ARID1B: variants seen among roughly 807,000 people sequenced by gnomAD.
ARID1B encodes AT-rich interaction domain 1B.
A neutral mutation model predicts 212.3 loss-of-function variants in ARID1B; 30 were observed. The observed-to-expected ratio is 0.14, with a 90% CI of 0.11 to 0.19. The LOEUF (loss-of-function observed/expected upper bound fraction) is 0.19, where lower values mean the gene tolerates loss of function less well. ARID1B is among the 10% of genes least tolerant of loss of function. The pLI, the probability that ARID1B is intolerant of heterozygous loss-of-function variation, is 1.00. For missense variants in ARID1B, 2,891 were observed against 3,204.0 expected, an observed-to-expected ratio of 0.90 and a Z score of 2.36; for synonymous variants, 1,402 against 1,301.7, an observed-to-expected ratio of 1.08 and a Z score of -1.66.
chr6:157,072,708 ATAT>A (rs1784066525), intron 4 of ARID1B: 1 of 152,228 alleles, frequency 6.6e-6, no homozygotes, highest in African/African-American at 2.4e-5. Context: ...ATACTATGTG[ATAT>A]TATAAAACAA....
At chr6:157,005,378 A>T (rs1173299394) in intron 4 of ARID1B, among the ~76,000 whole-genome samples, 1 of 151,248 alleles carries the variant, frequency 6.6e-6, no homozygotes, top group East Asian at 1.9e-4. Context: ...CTGTTCTCGA[A>T]CTCCTGACCT....
intron 4 of ARID1B, among the ~76,000 whole-genome samples, chr6:156,993,143 G>T (rs1778367884): frequency 6.7e-6 from 1 of 149,834 alleles, no homozygotes; most frequent in Non-Finnish European, 1.5e-5. Context: ...CCCGGTTCAA[G>T]CGATTCTCCT....
At chr6:156,829,882 G>A (rs969893558) in intron 2 of ARID1B, among the ~76,000 whole-genome samples, 1 of 151,206 alleles carries the variant, frequency 6.6e-6, no homozygotes, top group Non-Finnish European at 1.5e-5. Flanking sequence ...AAGTTATTTT[G>A]CTTTCATTTC....
At chr6:157,059,140 A>AG (rs1214096846) in intron 4 of ARID1B, among the ~76,000 whole-genome samples, 1 of 151,232 alleles carries the variant, frequency 6.6e-6, no homozygotes. Context: ...AAAAGATTTA[A>AG]GAGACGATAT....
At chr6:156,891,259 A>G (rs1787900954) in intron 2 of ARID1B, among the ~76,000 whole-genome samples, 1 of 152,198 alleles carries the variant, frequency 6.6e-6, no homozygotes, top group Non-Finnish European at 1.5e-5. Flanking sequence ...GATTTGCCAC[A>G]TGTGAATGGA....
At chr6:156,854,153 G>A (rs1401377970) in intron 2 of ARID1B, among the ~76,000 whole-genome samples, 2 of 152,098 alleles carry the variant, frequency 1.3e-5, no homozygotes, top group East Asian at 1.9e-4. Context: ...AAAACATGTC[G>A]TTCTTCAGGG....
chr6:156,829,473 C>T (rs1782992468), intron 2 of ARID1B, 52 bp downstream of exon 2: 1 of 1,533,116 alleles, frequency 6.5e-7, no homozygotes, highest in Admixed American at 1.9e-5. Flanking sequence ...TTTGTCTTTG[C>T]CTTTTGCTGT....
intron 2 of ARID1B, among the ~76,000 whole-genome samples, chr6:156,869,259 C>T (rs745693914): frequency 5.3e-5 from 8 of 152,140 alleles, no homozygotes; most frequent in Non-Finnish European, 8.8e-5. Context: ...CTTTCGAAGA[C>T]GAGATTAACA....
chr6:156,975,956 G>GT (rs35611699), intron 4 of ARID1B, among the ~76,000 whole-genome samples: 30,226 of 151,936 alleles, frequency 0.2, 3,314 homozygotes, highest in East Asian at 0.41. Context: ...GTTGGGAGCA[G>GT]TTTTTTTGTG....
chr6:156,844,785 T>G (rs2128094215), intron 2 of ARID1B, among the ~76,000 whole-genome samples: 1 of 152,376 alleles, frequency 6.6e-6, no homozygotes, highest in South Asian at 2.1e-4. Flanking sequence ...TTAATGTAAC[T>G]ATAAAATAAC....
chr6:156,783,345 AC>A (rs1315132300), intron 1 of ARID1B, among the ~76,000 whole-genome samples: 3 of 151,756 alleles, frequency 2.0e-5, no homozygotes, highest in Middle Eastern at 3.2e-3. Flanking sequence ...AAAAAAAAAA[AC>A]ATTAATTCTG....
intron 3 of ARID1B, among the ~76,000 whole-genome samples, chr6:156,909,895 C>G (rs1475515900): frequency 6.6e-6 from 1 of 152,196 alleles, no homozygotes; most frequent in African/African-American, 2.4e-5. Context: ...CTAGCCCCCA[C>G]CTTTCTTGTG....
chr6:156,781,462 A>T (rs1022687631), intron 1 of ARID1B, among the ~76,000 whole-genome samples: 2 of 152,134 alleles, frequency 1.3e-5, no homozygotes, highest in African/African-American at 4.8e-5. Flanking sequence ...TTAGAGAGGA[A>T]CAACAGTCGT....
At chr6:157,033,893 T>G (rs1415650225) in intron 4 of ARID1B, among the ~76,000 whole-genome samples, 2 of 152,200 alleles carry the variant, frequency 1.3e-5, no homozygotes, top group African/African-American at 4.8e-5. Context: ...AACCTGCCCC[T>G]TCACACCTCT....
chr6:156,872,256 A>G (rs1786193280), intron 2 of ARID1B, among the ~76,000 whole-genome samples: 1 of 152,194 alleles, frequency 6.6e-6, no homozygotes, highest in Admixed American at 6.5e-5. Flanking sequence ...CTTAGTGCTC[A>G]ATAAATCTCC....
chr6:156,991,278 T>C (rs1308965069), intron 4 of ARID1B, among the ~76,000 whole-genome samples: 3 of 152,224 alleles, frequency 2.0e-5, no homozygotes, highest in African/African-American at 7.2e-5. Flanking sequence ...TCGCCCAAGC[T>C]GGAGTGCAAT....
intron 2 of ARID1B, among the ~76,000 whole-genome samples, chr6:156,890,872 TTG>T (rs1787872068): frequency 6.6e-6 from 1 of 152,166 alleles, no homozygotes; most frequent in Non-Finnish European, 1.5e-5. Flanking sequence ...TTTCAGGAAA[TTG>T]TGGAGTTTTT....
intron 2 of ARID1B, among the ~76,000 whole-genome samples, chr6:156,889,174 G>T (rs1375047113): frequency 6.6e-6 from 1 of 152,162 alleles, no homozygotes; most frequent in African/African-American, 2.4e-5. Flanking sequence ...ACCATACCAA[G>T]TTTATATACA....
rs1203006774 is a variant in ARID1B, at chr6:157,196,237, A to G, written c.4304A>G (p.Gln1435Arg). ...PNSSMQDMYNQSPSGAMSNLG... is the reference protein window; with the variant it reads ...PNSSMQDMYNRSPSGAMSNLG... ...AGCAGCATGCAGGACATGTACAACC[A>G]AAGTCCCTCCGGAGCAATGTCTAAC... The change falls in exon 16 of 20, where the codon CAA becomes CGA. Residue 1435 changes from glutamine (Q) to arginine (R), a missense_variant. Gln to Arg is a conservative substitution (Grantham distance 43). Around this residue, in one of 7 missense-constraint regions of ARID1B, gnomAD observed 666 missense variants for 873.5 expected, o/e 0.76. Transcript: ENST00000636930. The G allele has an allele frequency of 1.9e-6, 3 of 1,613,508 alleles. No homozygotes were observed. The highest frequency in any genetic ancestry group is 2.5e-6 in the Non-Finnish European group (3 of 1,179,908).
Sources: gnomAD v4.1 joint callset for allele counts (sites outside exome capture counted in the v4.1 genomes callset) on GRCh38, gnomAD v4.1.1 for gene constraint, gnomAD v4.1.1 regional missense constraint, MANE v1.5 for transcripts, NCBI Gene and HGNC (gene_info 2026-07-23, HGNC 2026-07-21) for gene names.